The following TBC1D32 variants were observed in gnomAD, a reference collection of about 807,000 sequenced individuals.
The protein encoded by TBC1D32 is protein broad-minded.
A neutral mutation model predicts 170.3 loss-of-function variants in TBC1D32; 151 were observed. The observed-to-expected ratio is 0.89, with a 90% CI of 0.78 to 1.01. The LOEUF (loss-of-function observed/expected upper bound fraction) is 1.01. Ranked by LOEUF, TBC1D32 falls within the 50% of genes least tolerant of loss-of-function variation. The pLI is 0.00. For synonymous variants in TBC1D32, 498 were observed against 488.0 expected, an observed-to-expected ratio of 1.02 and a Z score of -0.27; for missense variants, 1,464 against 1,457.1, an observed-to-expected ratio of 1.00 and a Z score of -0.08.
intron 1 of TBC1D32, 139 bp from the exon 2 acceptor site, chr6:121,321,933 G>T: frequency 2.4e-6 from 2 of 828,032 alleles, no homozygotes; most frequent in South Asian, 2.7e-5. Flanking sequence ...AAATCATCAA[G>T]CTAATCTACT....
intron 15 of TBC1D32, among the ~76,000 whole-genome samples, chr6:121,264,777 ACAT>A (rs1428050448): frequency 6.6e-6 from 1 of 152,210 alleles, no homozygotes; most frequent in African/African-American, 2.4e-5. Context: ...AAATCAATAA[ACAT>A]AATTCATCAC....
chr6:121,326,892 C>A (rs1370917440), intron 1 of TBC1D32, among the ~76,000 whole-genome samples: 1 of 152,156 alleles, frequency 6.6e-6, no homozygotes, highest in Non-Finnish European at 1.5e-5. Context: ...GCCTCCAATT[C>A]CAAATTAATG....
chr6:121,274,770 A>G (rs1292238027), intron 15 of TBC1D32, among the ~76,000 whole-genome samples: 4 of 152,226 alleles, frequency 2.6e-5, no homozygotes, highest in Non-Finnish European at 5.9e-5. Flanking sequence ...ATTTCAGCGT[A>G]AAAGTTATGC....
intron 5 of TBC1D32, 151 bp downstream of exon 5, chr6:121,307,825 G>A (rs997207414): frequency 1.8e-5 from 14 of 759,798 alleles, no homozygotes; most frequent in Non-Finnish European, 3.9e-6. Flanking sequence ...TAGTACCAGT[G>A]CACTCCAGCC....
chr6:121,272,267 T>C (rs1731923332), intron 15 of TBC1D32, among the ~76,000 whole-genome samples: 1 of 152,054 alleles, frequency 6.6e-6, no homozygotes, highest in Non-Finnish European at 1.5e-5. Flanking sequence ...GGGATCTAAC[T>C]AAACTAAGGA....
chr6:121,157,565 T>G (rs1293002858), intron 24 of TBC1D32, among the ~76,000 whole-genome samples: 3 of 152,130 alleles, frequency 2.0e-5, no homozygotes, highest in African/African-American at 7.2e-5. Context: ...GTTGGTTGTT[T>G]TATAGACTTG....
chr6:121,281,658 A>T lies in TBC1D32; in HGVS notation c.1494T>A (p.Thr498=), dbSNP rs768804958. ...GATCACTGAGTATCCACAGAACTTC[A>T]GTCACCATACTTGCAGGAGAGTAAT... The part of the protein sequence containing the change: ...SENYSPASMV[T]EVLWILSDQK... The change falls in exon 14 of 32, where the codon ACT becomes ACA. Residue 498 remains threonine (T), a synonymous_variant. Transcript: ENST00000398212. 6.2e-7 allele frequency: 1 copy of T among 1,600,518 alleles called. No homozygotes were observed. The highest frequency in any genetic ancestry group is 8.5e-7 in the Non-Finnish European group (1 of 1,172,854).
intron 1 of TBC1D32, among the ~76,000 whole-genome samples, chr6:121,327,991 C>T (rs1810669949): frequency 6.6e-6 from 1 of 152,146 alleles, no homozygotes; most frequent in African/African-American, 2.4e-5. Context: ...AAACCTATAT[C>T]ATGCTTAATA....
At chr6:121,272,341 T>A (rs1157633320) in intron 15 of TBC1D32, among the ~76,000 whole-genome samples, 2 of 152,070 alleles carry the variant, frequency 1.3e-5, no homozygotes, top group Admixed American at 6.5e-5. Context: ...AGGGAGAAAC[T>A]TTTTACAATC....
chr6:121,310,691 G>A (rs559207681), intron 4 of TBC1D32, 88 bp downstream of exon 4: 1 of 867,660 alleles, frequency 1.2e-6, no homozygotes, highest in East Asian at 2.7e-5. Context: ...AGCCTCAAGG[G>A]AAACAACCTG....
chr6:121,267,738 C>T (rs868767067), intron 15 of TBC1D32, among the ~76,000 whole-genome samples: 3 of 152,122 alleles, frequency 2.0e-5, no homozygotes, highest in Admixed American at 6.6e-5. Context: ...CTTAAATGTC[C>T]CTGTCTGACA....
chr6:121,081,114 C>T (rs983884757), intron 31 of TBC1D32, among the ~76,000 whole-genome samples: 1 of 151,810 alleles, frequency 6.6e-6, no homozygotes. Flanking sequence ...ATTTTCAAAA[C>T]CAAAAATGAT....
At chr6:121,241,373 C>T in intron 19 of TBC1D32, 92 bp downstream of exon 19, 1 of 1,046,536 alleles carries the variant, frequency 9.6e-7, no homozygotes, top group Non-Finnish European at 1.4e-6. Flanking sequence ...GAGTAAATAT[C>T]CTGATACTTA....
chr6:121,217,805 T>TA (rs1016255799), intron 21 of TBC1D32, among the ~76,000 whole-genome samples: 167 of 152,074 alleles, frequency 1.1e-3, no homozygotes, highest in African/African-American at 3.8e-3. Context: ...TAAGAGTTTT[T>TA]AAAAAAAAGA....
chr6:121,198,138 A>C (rs1791001195), intron 22 of TBC1D32, among the ~76,000 whole-genome samples: 1 of 147,276 alleles, frequency 6.8e-6, no homozygotes, highest in Non-Finnish European at 1.5e-5. Context: ...TTAATACTTA[A>C]TAAACTCCCC....
intron 30 of TBC1D32, among the ~76,000 whole-genome samples, chr6:121,099,739 G>C (rs1777807289): frequency 6.6e-6 from 1 of 151,890 alleles, no homozygotes; most frequent in Non-Finnish European, 1.5e-5. Flanking sequence ...TCTTAAGACA[G>C]ATTAACTCAC....
chr6:121,299,645 T>G, intron 9 of TBC1D32, 140 bp from the exon 10 acceptor site: 3 of 793,042 alleles, frequency 3.8e-6, no homozygotes, highest in Non-Finnish European at 5.6e-6. Flanking sequence ...CAGACAGGTG[T>G]TTATGTGTGC....
At chr6:121,173,046 G>A (rs9401373) in intron 22 of TBC1D32, among the ~76,000 whole-genome samples, 104,468 of 151,988 alleles carry the variant, frequency 0.69, 41,067 homozygotes, top group Non-Finnish European at 0.87. Context: ...GTTTCTGGGT[G>A]GGTCTGTGAG....
At chr6:121,242,415 G>C in intron 17 of TBC1D32, 76 bp from the exon 18 acceptor site, 7 of 1,409,954 alleles carry the variant, frequency 5.0e-6, no homozygotes, top group Non-Finnish European at 6.9e-6. Context: ...TCTTAGCTGA[G>C]CTTAACCCTG....
Sources: allele counts gnomAD v4.1 joint callset (sites outside exome capture counted in the v4.1 genomes callset), GRCh38; gene constraint gnomAD v4.1.1; transcripts MANE v1.5; gene names NCBI Gene and HGNC (gene_info 2026-07-23, HGNC 2026-07-21).